Variants in PTPRQ observed in about 807,000 individuals in gnomAD.
PTPRQ encodes protein tyrosine phosphatase receptor type Q.
In PTPRQ, 199 loss-of-function variants were observed where a neutral mutation model predicts 246.0. The observed-to-expected ratio is 0.81, with a 90% CI of 0.72 to 0.91. PTPRQ has a LOEUF of 0.91. Among genes scored for constraint, PTPRQ ranks in the 40% least tolerant of loss-of-function variants. The probability of loss-of-function intolerance (pLI) is 0.00; values close to 1 mark genes in which losing one functional copy is unlikely to be tolerated. For synonymous variants in PTPRQ, 869 were observed against 853.2 expected, an observed-to-expected ratio of 1.02 and a Z score of -0.32; for missense variants, 2,624 against 2,528.4, an observed-to-expected ratio of 1.04 and a Z score of -0.81.
At chr12:80,560,701 T>C (rs930327821) in intron 25 of PTPRQ, among the ~76,000 whole-genome samples, 1 of 152,268 alleles carries the variant, frequency 6.6e-6, no homozygotes, top group Admixed American at 6.5e-5. Flanking sequence ...GAAATGTGTT[T>C]AGTGAAACTG....
At chr12:80,472,712 T>C (rs993510915) in intron 8 of PTPRQ, among the ~76,000 whole-genome samples, 1 of 152,212 alleles carries the variant, frequency 6.6e-6, no homozygotes, top group Admixed American at 6.5e-5. Context: ...ATGTATGATA[T>C]AGATTTACCA....
intron 3 of PTPRQ, among the ~76,000 whole-genome samples, chr12:80,449,812 T>C (rs542670227): frequency 3.3e-5 from 5 of 152,342 alleles, no homozygotes; most frequent in African/African-American, 1.2e-4. Context: ...GGTAGTGTGA[T>C]GCCTCCAGCT....
At chr12:80,677,437 T>A (rs1047292692) in intron 43 of PTPRQ, among the ~76,000 whole-genome samples, 2 of 152,294 alleles carry the variant, frequency 1.3e-5, no homozygotes, top group Non-Finnish European at 2.9e-5. Flanking sequence ...CTAATGACAT[T>A]TGAATTTTCT....
At chr12:80,506,780 T>A (rs1481218984) in intron 16 of PTPRQ, 110 bp downstream of exon 16, 1 of 885,804 alleles carries the variant, frequency 1.1e-6, no homozygotes, top group East Asian at 3.1e-5. Context: ...ATCAGTTGTG[T>A]ACCATACCAG....
At chr12:80,642,919 T>TCCAAA (rs1899924657) in intron 35 of PTPRQ, among the ~76,000 whole-genome samples, 1 of 77,198 alleles carries the variant, frequency 1.3e-5, no homozygotes, top group African/African-American at 3.8e-5. Flanking sequence ...GACTCCGTCT[T>TCCAAA]AAAAAAAAAA....
In PTPRQ at chr12:80,673,270, T is replaced by C; in HGVS notation, c.6704T>C (p.Leu2235Pro). 1 of 1,550,462 alleles carries C rather than the reference T, an allele frequency of 6.4e-7. No homozygotes were observed. Among genetic ancestry groups the C allele is most frequent in the African/African-American group, 1.4e-5 (1 of 73,048 alleles). ...FVDIYGLVAE[L>P]RSERMCMVQN... ...GATATATATGGACTAGTAGCTGAAC[T>C]GAGAAGTGAAAGAATGTGCATGGTG... Residue 2235 changes from leucine (L) to proline (P), a missense_variant, in exon 43 of 45, where the codon CTG (leucine) becomes CCG (proline). Transcript: ENST00000644991.
Position 80,496,096 on chromosome 12 carries a change from T to A in PTPRQ, c.1980T>A (p.Thr660=). 2 of 1,547,574 alleles carry A rather than the reference T, an allele frequency of 1.3e-6. No individual in the cohort carries two copies. Among genetic ancestry groups the A allele is most frequent in the Non-Finnish European group, 1.7e-6 (2 of 1,145,732 alleles). Residue 660 remains threonine, a synonymous_variant, in exon 13 of 45, where the codon ACT becomes ACA. Coordinates refer to ENST00000644991, the MANE Select transcript of PTPRQ (RefSeq NM_001145026.2). Reference sequence around the variant, plus strand: ...AAGAAAATGACATCTTTGTGAGAACTTCAGAAGATGGTAAGAATATCAATT... The same window carrying A: ...AAGAAAATGACATCTTTGTGAGAACATCAGAAGATGGTAAGAATATCAATT... The part of the protein sequence containing the change: ...LSEENDIFVR[T]SEDEPESSPQ...
chr12:80,624,077 T>A (rs888788869), intron 33 of PTPRQ, among the ~76,000 whole-genome samples: 2 of 152,136 alleles, frequency 1.3e-5, no homozygotes, highest in African/African-American at 4.8e-5. Context: ...TTTGATTCCT[T>A]CTTTGGAAGT....
At chr12:80,555,886 G>A (rs2120896753) in intron 25 of PTPRQ, among the ~76,000 whole-genome samples, 1 of 152,244 alleles carries the variant, frequency 6.6e-6, no homozygotes, top group East Asian at 1.9e-4. Context: ...TAGGTGTGGG[G>A]TTCAAGACCC....
intron 25 of PTPRQ, among the ~76,000 whole-genome samples, chr12:80,558,897 C>T (rs1416077195): frequency 6.6e-6 from 1 of 152,076 alleles, no homozygotes; most frequent in Non-Finnish European, 1.5e-5. Context: ...TATGAAATGG[C>T]TGTTCATTAC....
chr12:80,561,719 A>G (rs1896832988), intron 25 of PTPRQ, among the ~76,000 whole-genome samples: 2 of 152,030 alleles, frequency 1.3e-5, no homozygotes, highest in South Asian at 4.2e-4. Context: ...GTAGAAAATC[A>G]TGCCATTTGT....
intron 17 of PTPRQ, among the ~76,000 whole-genome samples, chr12:80,515,740 T>TTC (rs1270611372): frequency 1.2e-5 from 1 of 84,108 alleles, no homozygotes; most frequent in African/African-American, 4.5e-5. Flanking sequence ...GACTGAATAT[T>TTC]TCTTTTTTTT....
intron 37 of PTPRQ, among the ~76,000 whole-genome samples, chr12:80,651,087 C>T (rs1220749003): frequency 6.6e-6 from 1 of 151,974 alleles, no homozygotes; most frequent in African/African-American, 2.4e-5. Flanking sequence ...CAGCACTTAC[C>T]AGCTAAGTGA....
chr12:80,532,021 T>C (rs1433491051), intron 17 of PTPRQ, among the ~76,000 whole-genome samples: 1 of 152,114 alleles, frequency 6.6e-6, no homozygotes, highest in Non-Finnish European at 1.5e-5. Context: ...CTGCATTATC[T>C]ATGGAACATA....
In PTPRQ at chr12:80,613,745, A is replaced by G; in HGVS notation, c.5072A>G (p.Gln1691Arg). Residue 1691 changes from glutamine to arginine, a missense_variant, in exon 29 of 45, where the codon CAG becomes CGG. By Grantham distance (43) the Gln-to-Arg change is conservative. Coordinates refer to ENST00000644991, the MANE Select transcript of PTPRQ (RefSeq NM_001145026.2). ...CGAGAAGATGATCCTACTGCTGTCCAGATTCACAACCTCAGTATTATACAG... is the reference window on the plus strand; with the variant it reads ...CGAGAAGATGATCCTACTGCTGTCCGGATTCACAACCTCAGTATTATACAG... ...VYREDDPTAV[Q>R]IHNLSIIQKT... 6.5e-7 allele frequency: 1 copy of G among 1,545,942 alleles called. No homozygotes were observed.
At chr12:80,617,589 C>T (rs1162674000) in intron 30 of PTPRQ, among the ~76,000 whole-genome samples, 1 of 151,204 alleles carries the variant, frequency 6.6e-6, no homozygotes, top group African/African-American at 2.4e-5. Flanking sequence ...TTTAGTAAAA[C>T]TTCCCATTTC....
chr12:80,446,905 T>C (rs1214548878), intron 3 of PTPRQ, among the ~76,000 whole-genome samples: 1 of 152,000 alleles, frequency 6.6e-6, no homozygotes, highest in East Asian at 1.9e-4. Flanking sequence ...TGTGATACAA[T>C]GATTTCTTTT....
intron 3 of PTPRQ, among the ~76,000 whole-genome samples, chr12:80,450,603 G>A (rs182116878): frequency 6.6e-6 from 1 of 151,924 alleles, no homozygotes; most frequent in African/African-American, 2.4e-5. Context: ...GTTGAATTTT[G>A]TCAAAGGCCT....
intron 17 of PTPRQ, among the ~76,000 whole-genome samples, chr12:80,532,064 C>T (rs1895860565): frequency 6.6e-6 from 1 of 151,670 alleles, no homozygotes; most frequent in Admixed American, 6.6e-5. Flanking sequence ...TTGGTAGATA[C>T]TTATGTACAA....
Sources: allele counts gnomAD v4.1 joint callset (sites outside exome capture counted in the v4.1 genomes callset), GRCh38; gene constraint gnomAD v4.1.1; transcripts MANE v1.5; gene names NCBI Gene and HGNC (gene_info 2026-07-23, HGNC 2026-07-21).